Variants in RBFOX1 observed in about 807,000 individuals in gnomAD.
The protein encoded by RBFOX1 is RNA binding fox-1 homolog 1, also known as RNA binding protein fox-1 homolog 1.
RBFOX1 carries 8 observed loss-of-function variants against 57.7 expected under a neutral mutation model. That is an observed-to-expected ratio of 0.14 (90% CI 0.08 to 0.25). The LOEUF (loss-of-function observed/expected upper bound fraction) is 0.25, where lower values mean the gene tolerates loss of function less well. Ranked by LOEUF, RBFOX1 falls within the 10% of genes least tolerant of loss-of-function variation. The pLI, the probability that RBFOX1 is intolerant of heterozygous loss-of-function variation, is 1.00. For missense variants in RBFOX1, 611 were observed against 548.5 expected (o/e 1.11, Z -1.14); for synonymous variants, 326 against 222.4 (o/e 1.47, Z -4.15).
At chr16:6,046,163 A>G (rs980678643) in intron 1 of RBFOX1, among the ~76,000 whole-genome samples, 2 of 152,206 alleles carry the variant, frequency 1.3e-5, no homozygotes, top group Admixed American at 6.5e-5. Flanking sequence ...AGAGATGAAG[A>G]TGTCAAAAGT....
intron 1 of RBFOX1, among the ~76,000 whole-genome samples, chr16:6,238,015 T>G (rs1348137362): frequency 1.4e-5 from 2 of 141,738 alleles, no homozygotes; most frequent in South Asian, 4.4e-4. Flanking sequence ...GACTTGAACC[T>G]GGGAGGCAGA....
chr16:5,831,170 A>G (rs943818861), intron 3 of RBFOX1, among the ~76,000 whole-genome samples: 3 of 152,084 alleles, frequency 2.0e-5, no homozygotes, highest in African/African-American at 7.2e-5. Flanking sequence ...ATTCCCACCA[A>G]TTCCAGTGTT....
intron 4 of RBFOX1, among the ~76,000 whole-genome samples, chr16:7,512,335 A>G (rs2075317054): frequency 6.6e-6 from 1 of 152,204 alleles, no homozygotes; most frequent in Admixed American, 6.5e-5. Context: ...CATTTCAGCC[A>G]AGCTAAGAAT....
intron 3 of RBFOX1, among the ~76,000 whole-genome samples, chr16:5,613,893 T>C (rs1299809388): frequency 6.6e-6 from 1 of 151,426 alleles, no homozygotes; most frequent in East Asian, 1.9e-4. Context: ...CTCCTTCATC[T>C]CCCATTTTCC....
At chr16:5,385,457 A>G (rs1001801773) in intron 1 of RBFOX1, among the ~76,000 whole-genome samples, 1 of 152,244 alleles carries the variant, frequency 6.6e-6, no homozygotes, top group East Asian at 1.9e-4. Flanking sequence ...CTTTGAGCAG[A>G]GAGTACTTAA....
At chr16:5,966,706 C>T (rs906026759) in intron 4 of RBFOX1, among the ~76,000 whole-genome samples, 1 of 152,046 alleles carries the variant, frequency 6.6e-6, no homozygotes, top group Non-Finnish European at 1.5e-5. Flanking sequence ...GAGAACAGTA[C>T]CAAGAGGATG....
chr16:5,996,067 G>A (rs757378010), intron 4 of RBFOX1, among the ~76,000 whole-genome samples: 1 of 152,118 alleles, frequency 6.6e-6, no homozygotes, highest in Admixed American at 6.5e-5. Flanking sequence ...TTCCAAGCAT[G>A]AGGGTTCCAT....
intron 4 of RBFOX1, among the ~76,000 whole-genome samples, chr16:7,060,217 G>T (rs910831571): frequency 1.4e-4 from 22 of 152,250 alleles, no homozygotes; most frequent in African/African-American, 5.3e-4. Context: ...CACAAAAGCA[G>T]CCATAGATAA....
intron 2 of RBFOX1, among the ~76,000 whole-genome samples, chr16:5,578,757 T>G (rs532480503): frequency 1.9e-3 from 292 of 150,304 alleles, no homozygotes; most frequent in African/African-American, 6.8e-3. Flanking sequence ...TAAATGAAGA[T>G]AAAAATATCT....
chr16:5,621,437 G>A (rs1171937027), intron 3 of RBFOX1, among the ~76,000 whole-genome samples: 1 of 152,126 alleles, frequency 6.6e-6, no homozygotes, highest in Admixed American at 6.5e-5. Context: ...TTTAATTTGT[G>A]TCGTCTTGAC....
At chr16:7,046,382 A>C (rs2153718477) in intron 3 of RBFOX1, among the ~76,000 whole-genome samples, 1 of 152,194 alleles carries the variant, frequency 6.6e-6, no homozygotes, top group East Asian at 1.9e-4. Flanking sequence ...TACAAGACTC[A>C]GTATTTTGCC....
intron 3 of RBFOX1, among the ~76,000 whole-genome samples, chr16:6,874,555 G>T (rs563292475): frequency 1.4e-5 from 2 of 144,296 alleles, no homozygotes; most frequent in African/African-American, 5.1e-5. Context: ...AATGGCATTC[G>T]CAACAACCTG....
chr16:7,273,206 CT>C lies in RBFOX1; in HGVS notation c.27+221110del, dbSNP rs2095368218. ...CCTTCCTCCCTTCCTTCCTCCCTCC[CT>C]TCCTTCCTTCCTTCCTTCCTTCCTT... On this transcript the variant is annotated intron_variant, in intron 4 of 15. Coordinates refer to ENST00000550418, the MANE Select transcript of RBFOX1 (RefSeq NM_018723.4). 4.8e-5 allele frequency among the ~76,000 whole-genome samples: 4 copies of C among 82,480 alleles called. 1 individual carries two copies. Among genetic ancestry groups the C allele is most frequent in the African/African-American group, 2.3e-4 (4 of 17,462 alleles). 54.1% of individuals were successfully genotyped at this position (82,480 alleles called of 152,430 possible).
chr16:5,993,340 C>CGTGTGT (rs58189800), intron 4 of RBFOX1, among the ~76,000 whole-genome samples: 34 of 132,860 alleles, frequency 2.6e-4, no homozygotes, highest in Admixed American at 4.0e-4. Context: ...TAATGCTGTA[C>CGTGTGT]GTGTGTGTGT....
intron 3 of RBFOX1, among the ~76,000 whole-genome samples, chr16:5,865,195 C>G (rs1000562620): frequency 7.2e-5 from 11 of 152,190 alleles, no homozygotes; most frequent in African/African-American, 2.4e-4. Flanking sequence ...TGTTGAATAT[C>G]ATATTTCCCT....
chr16:6,445,553 C>G (rs1170868610), intron 2 of RBFOX1, among the ~76,000 whole-genome samples: 1 of 141,888 alleles, frequency 7.0e-6, no homozygotes, highest in Admixed American at 7.5e-5. Flanking sequence ...AACCTTGCCT[C>G]TGAACTCCTT....
At position 5,349,534 on chromosome 16, in the gene RBFOX1, G is replaced by A. The variant is rs1266921573; in HGVS notation, c.219+109429G>A. Among the ~76,000 whole-genome samples the A allele has an allele frequency of 2.6e-5, 4 of 152,052 alleles. No individual in the cohort carries two copies. In the South Asian group the frequency reaches 8.3e-4, roughly 32 times the overall value. On this transcript the variant is annotated intron_variant, in intron 1 of 2. Coordinates refer to the RBFOX1 transcript ENST00000585867. ...TAAAAATACAAAAAATTAGCCGGGC[G>A]TGGTGGCATGCATCTGTAATCCCAG...
chr16:6,117,556 C>T (rs1555513001), intron 1 of RBFOX1, among the ~76,000 whole-genome samples: 1 of 152,238 alleles, frequency 6.6e-6, no homozygotes, highest in Non-Finnish European at 1.5e-5. Context: ...AAAGAGGCTT[C>T]TGGTAGCATT....
chr16:7,292,429 TTA>T (rs1194582124), intron 4 of RBFOX1, among the ~76,000 whole-genome samples: 1 of 143,094 alleles, frequency 7.0e-6, no homozygotes, highest in East Asian at 2.0e-4. Context: ...ATATAAGGTA[TTA>T]TATATAATAT....
Sources: allele counts gnomAD v4.1 joint callset (sites outside exome capture counted in the v4.1 genomes callset), GRCh38; gene constraint gnomAD v4.1.1; transcripts MANE v1.5; gene names NCBI Gene and HGNC (gene_info 2026-07-23, HGNC 2026-07-21).